Variants in DAB1 observed in about 807,000 individuals in gnomAD.
DAB1 encodes disabled homolog 1.
A neutral mutation model predicts 64.6 loss-of-function variants in DAB1; 15 were observed. The ratio of observed to expected loss-of-function variants is 0.23; its 90% CI spans 0.16 to 0.36. DAB1 has a LOEUF of 0.36. DAB1 is among the 10% of genes least tolerant of loss of function. DAB1 has a pLI of 1.00. For missense variants in DAB1, 596 were observed against 706.7 expected (o/e 0.84, Z 1.78); for synonymous variants, 235 against 251.9 (o/e 0.93, Z 0.64).
intron 3 of DAB1, among the ~76,000 whole-genome samples, chr1:58,440,195 T>C (rs1644992887): frequency 6.6e-6 from 1 of 152,224 alleles, no homozygotes; most frequent in Non-Finnish European, 1.5e-5. Context: ...AGACAGACTT[T>C]CATGCCGGGC....
chr1:57,563,515 G>A (rs1570630337), intron 7 of DAB1, among the ~76,000 whole-genome samples: 2 of 152,142 alleles, frequency 1.3e-5, no homozygotes, highest in Non-Finnish European at 2.9e-5. Context: ...GGAAGTGAAA[G>A]GGGTCAGGGA....
intron 5 of DAB1, among the ~76,000 whole-genome samples, chr1:58,137,955 C>A (rs1420963546): frequency 6.6e-6 from 1 of 152,108 alleles, no homozygotes; most frequent in East Asian, 1.9e-4. Flanking sequence ...ATGGGAAGGT[C>A]TGACATTTGA....
intron 2 of DAB1, among the ~76,000 whole-genome samples, chr1:57,286,052 G>GA (rs1401280662): frequency 4.1e-4 from 62 of 152,092 alleles, no homozygotes; most frequent in African/African-American, 1.4e-3. Flanking sequence ...AAAATAAAAT[G>GA]AAAAAAACAA....
chr1:57,770,892 A>G (rs541762087), intron 6 of DAB1, among the ~76,000 whole-genome samples: 1 of 152,150 alleles, frequency 6.6e-6, no homozygotes, highest in African/African-American at 2.4e-5. Context: ...TCAGAGATAC[A>G]CAGATGGGCA....
At chr1:58,116,622 C>T (rs1235019397) in intron 5 of DAB1, among the ~76,000 whole-genome samples, 2 of 152,220 alleles carry the variant, frequency 1.3e-5, no homozygotes, top group African/African-American at 4.8e-5. Flanking sequence ...GGTTCCACCA[C>T]TGACTGGCTC....
At chr1:57,418,398 C>T (rs1484145054) in intron 1 of DAB1, among the ~76,000 whole-genome samples, 7 of 152,122 alleles carry the variant, frequency 4.6e-5, no homozygotes, top group African/African-American at 1.7e-4. Flanking sequence ...TTGATGGATA[C>T]CAAGTAAACA....
At chr1:57,187,444 G>A (rs538376741) in intron 2 of DAB1, among the ~76,000 whole-genome samples, 4 of 152,284 alleles carry the variant, frequency 2.6e-5, no homozygotes, top group East Asian at 3.9e-4. Context: ...AGCAATTTGC[G>A]TATGATTCTG....
Position 57,779,443 on chromosome 1 carries a change from G to A in DAB1, n.551+104556C>T, listed in dbSNP as rs573779373. On this transcript the variant is annotated intron_variant and non_coding_transcript_variant, in intron 6 of 20. Transcript: ENST00000485760. ...CAGAGGCCAAACTTAAGGGTGAAGT[G>A]CCATGGAAAGAATCATTACAGAGAT... Among the ~76,000 whole-genome samples the A allele has an allele frequency of 2.0e-3, 302 of 152,262 alleles. 2 individuals are homozygous for A. Among genetic ancestry groups the A allele is most frequent in the African/African-American group, 7.0e-3 (292 of 41,540 alleles).
intron 2 of DAB1, among the ~76,000 whole-genome samples, chr1:57,279,516 G>A (rs1295583872): frequency 6.6e-6 from 1 of 152,188 alleles, no homozygotes; most frequent in African/African-American, 2.4e-5. Flanking sequence ...ATAGATAGCT[G>A]TATACTCATT....
At chr1:58,280,940 A>ATAT (rs1403528079) in intron 4 of DAB1, among the ~76,000 whole-genome samples, 1 of 152,196 alleles carries the variant, frequency 6.6e-6, no homozygotes, top group Non-Finnish European at 1.5e-5. Context: ...GTGATCTATA[A>ATAT]GGGCTCTAAG....
At chr1:58,281,375 A>G (rs999345939) in intron 4 of DAB1, among the ~76,000 whole-genome samples, 1 of 150,108 alleles carries the variant, frequency 6.7e-6, no homozygotes, top group African/African-American at 2.5e-5. Context: ...CAGCCTTCCC[A>G]TCCAGACAGC....
chr1:58,397,245 C>T (rs530893955), intron 3 of DAB1, among the ~76,000 whole-genome samples: 2 of 152,262 alleles, frequency 1.3e-5, no homozygotes, highest in East Asian at 1.9e-4. Context: ...AGCCCATACT[C>T]GGCCCAGGCA....
chr1:57,919,684 G>A (rs1030449914), intron 5 of DAB1, among the ~76,000 whole-genome samples: 7 of 152,164 alleles, frequency 4.6e-5, no homozygotes, highest in Admixed American at 2.0e-4. Flanking sequence ...ATGTATAACC[G>A]GCAGGATTGT....
chr1:57,723,503 TG>T (rs540013298), intron 6 of DAB1, among the ~76,000 whole-genome samples: 175 of 152,342 alleles, frequency 1.1e-3, no homozygotes, highest in Non-Finnish European at 2.1e-3. Context: ...AAGACAACTT[TG>T]GGTTTGCAGG....
chr1:57,379,847 T>A (rs1316030733), intron 1 of DAB1, among the ~76,000 whole-genome samples: 1 of 152,182 alleles, frequency 6.6e-6, no homozygotes, highest in Non-Finnish European at 1.5e-5. Context: ...ATCAAGGGCT[T>A]GCGTTCAAAA....
chr1:58,173,633 T>A (rs756136865), intron 4 of DAB1, among the ~76,000 whole-genome samples: 1 of 152,180 alleles, frequency 6.6e-6, no homozygotes, highest in African/African-American at 2.4e-5. Flanking sequence ...ACACCGGAGC[T>A]ACCTTGGCAA....
chr1:57,412,670 A>T (rs1279557253), intron 1 of DAB1, among the ~76,000 whole-genome samples: 1 of 152,200 alleles, frequency 6.6e-6, no homozygotes, highest in Non-Finnish European at 1.5e-5. Flanking sequence ...TAGAGCCCTA[A>T]CTCTATTCAA....
chr1:58,389,961 G>A (rs567486337), intron 3 of DAB1, among the ~76,000 whole-genome samples: 1 of 152,100 alleles, frequency 6.6e-6, no homozygotes, highest in African/African-American at 2.4e-5. Flanking sequence ...GGGAGGATGG[G>A]GGGCAGGCAT....
intron 5 of DAB1, among the ~76,000 whole-genome samples, chr1:58,001,664 TA>T (rs1646509069): frequency 6.6e-6 from 1 of 152,098 alleles, no homozygotes. Context: ...GGGTAAGGAT[TA>T]AAAAGACCAC....
Sources: allele counts gnomAD v4.1 joint callset (sites outside exome capture counted in the v4.1 genomes callset), GRCh38; gene constraint gnomAD v4.1.1; transcripts MANE v1.5; gene names NCBI Gene and HGNC (gene_info 2026-07-23, HGNC 2026-07-21).